The following NRP2 variants were observed in gnomAD, a reference collection of about 807,000 sequenced individuals.
The protein encoded by NRP2 is neuropilin 2, also known as neuropilin-2.
A neutral mutation model predicts 110.4 loss-of-function variants in NRP2; 52 were observed. That is an observed-to-expected ratio of 0.47 (90% CI 0.38 to 0.59). NRP2 has a LOEUF of 0.59. Ranked by LOEUF, NRP2 falls within the 20% of genes least tolerant of loss-of-function variation. NRP2 has a pLI of 0.00. For synonymous variants in NRP2, 508 were observed against 468.9 expected (o/e 1.08, Z -1.08); for missense variants, 1,049 against 1,203.0 (o/e 0.87, Z 1.89).
intron 3 of NRP2, among the ~76,000 whole-genome samples, chr2:205,719,199 G>A (rs1199603504): frequency 4.6e-5 from 7 of 152,240 alleles, no homozygotes; most frequent in South Asian, 2.1e-4. Context: ...AGGAAGAAGC[G>A]GGGGAAACTG....
At position 205,725,813 on chromosome 2, in the gene NRP2, TG is replaced by T; in HGVS notation, c.821-99del. 8.5e-7 allele frequency: 1 copy of T among 1,181,926 alleles called. No individual in the cohort carries two copies. Among genetic ancestry groups the T allele is most frequent in the Non-Finnish European group, 1.3e-6 (1 of 790,372 alleles). 73.2% of individuals were successfully genotyped at this position (1,181,926 alleles called of 1,614,324 possible). A position where few individuals can be genotyped will look rare whatever the true frequency, so the allele number is the denominator to read the frequency against. ...AATTAGGGTCTTTTAAATGAGGAAG[TG>T]CCTGCAAGGACTTGTCCCTAGAAGG... On this transcript the variant is annotated intron_variant, in intron 5 of 16. Transcript: ENST00000357785. This position sits in a 1 kb window ranked among gnomAD's most constrained non-coding sequence, Gnocchi z 4.1.
chr2:205,728,267 C>T (rs2057168365), intron 7 of NRP2, among the ~76,000 whole-genome samples: 1 of 152,166 alleles, frequency 6.6e-6, no homozygotes, highest in African/African-American at 2.4e-5. Flanking sequence ...TTGCATCTTG[C>T]GCAGCAGAGA....
In NRP2 at chr2:205,763,493, A is replaced by G. The variant is rs2241154; in HGVS notation, c.2045-181A>G. Among the ~76,000 whole-genome samples, 6 of 152,266 alleles carry G rather than the reference A, an allele frequency of 3.9e-5. No homozygotes were observed. In the East Asian group the frequency reaches 1.2e-3, roughly 29 times the overall value. On this transcript the variant is annotated intron_variant, in intron 12 of 16. Transcript: ENST00000357785. This position sits in a 1 kb window ranked among gnomAD's most constrained non-coding sequence, Gnocchi z 4.0. ...TTAGAGACTCTTAAGAAAACACAGC[A>G]TTTGAATCAAGGCTCTGAAGGAGCC...
At chr2:205,767,276 G>A (rs1165112593) in intron 15 of NRP2, 1 of 359,542 alleles carries the variant, frequency 2.8e-6, no homozygotes. Flanking sequence ...GAGCCGAGGG[G>A]CTTCTGTGTA....
intron 8 of NRP2, among the ~76,000 whole-genome samples, chr2:205,742,226 C>G (rs1479891309): frequency 3.3e-5 from 5 of 152,212 alleles, no homozygotes. Context: ...ACTATAGACC[C>G]TGCCTTGCCT....
chr2:205,767,583 A>G (rs1359508601), intron 15 of NRP2: 7 of 305,674 alleles, frequency 2.3e-5, no homozygotes, highest in Non-Finnish European at 3.9e-5. Flanking sequence ...GGTTATAAAA[A>G]AAAAAAAAGG....
chr2:205,781,548 G>C (rs997631638), intron 15 of NRP2, among the ~76,000 whole-genome samples: 5 of 152,322 alleles, frequency 3.3e-5, no homozygotes, highest in African/African-American at 4.8e-5. Flanking sequence ...CTGCACAAAC[G>C]TGTGGCCTTT....
intron 2 of NRP2, among the ~76,000 whole-genome samples, chr2:205,699,417 G>A (rs572402952): frequency 1.1e-3 from 164 of 152,320 alleles, no homozygotes; most frequent in African/African-American, 3.8e-3. Context: ...TCTACTAAGG[G>A]CCAAATTCTG....
At chr2:205,690,879 T>C (rs779657634) in intron 1 of NRP2, among the ~76,000 whole-genome samples, 3 of 152,230 alleles carry the variant, frequency 2.0e-5, no homozygotes, top group Non-Finnish European at 4.4e-5. Flanking sequence ...GCACTAACTC[T>C]ACCTTGACCT....
At chr2:205,733,972 C>T (rs2057292377) in intron 7 of NRP2, among the ~76,000 whole-genome samples, 1 of 152,170 alleles carries the variant, frequency 6.6e-6, no homozygotes, top group Non-Finnish European at 1.5e-5. Context: ...GGGATGCGCA[C>T]ATCCCCGCCC....
rs193077093 is a variant in NRP2, at chr2:205,700,504, C to T, written c.251+2783C>T. ...CTCGTGTTTGCCCGGGTTCTTCCTA[C>T]GTGCAGGGTTAACTGCAAAGATTGC... On this transcript the variant is annotated intron_variant, in intron 2 of 16. Transcript: ENST00000357785. 2.7e-3 allele frequency among the ~76,000 whole-genome samples: 414 copies of T among 152,318 alleles called. 1 individual carries two copies. The highest frequency in any genetic ancestry group is 9.4e-3 in the African/African-American group (392 of 41,578).
chr2:205,795,085 G>A lies in NRP2; in HGVS notation c.*27G>A, dbSNP rs200293132. 6.3e-5 allele frequency: 101 copies of A among 1,606,338 alleles called. 1 individual carries two copies. The highest frequency in any genetic ancestry group is 3.3e-4 in the Middle Eastern group (2 of 6,050). Reference sequence around the variant, plus strand: ...GGATTGCACCTGAATCCTATCTGACGTTTCATTCCAGCAAGAGGGGCTGGG... The same window carrying A: ...GGATTGCACCTGAATCCTATCTGACATTTCATTCCAGCAAGAGGGGCTGGG... On this transcript the variant is annotated 3_prime_UTR_variant, in exon 17 of 17. Coordinates refer to ENST00000357785, the MANE Select transcript of NRP2 (RefSeq NM_003872.3).
intron 2 of NRP2, among the ~76,000 whole-genome samples, chr2:205,709,104 A>G (rs891422659): frequency 6.6e-6 from 1 of 152,234 alleles, no homozygotes; most frequent in Non-Finnish European, 1.5e-5. Flanking sequence ...AAGACAGCAG[A>G]TGGAGGACGG....
At chr2:205,793,193 G>A (rs114334258) in intron 16 of NRP2, among the ~76,000 whole-genome samples, 6 of 152,276 alleles carry the variant, frequency 3.9e-5, no homozygotes, top group South Asian at 2.1e-4. Flanking sequence ...TGGAGAGACC[G>A]CAGTAGATCA....
At chr2:205,738,341 A>G (rs2057382277) in intron 7 of NRP2, among the ~76,000 whole-genome samples, 1 of 152,136 alleles carries the variant, frequency 6.6e-6, no homozygotes, top group South Asian at 2.1e-4. Context: ...CACAACACCC[A>G]TCCGAAATAA....
At chr2:205,699,032 G>C (rs957448511) in intron 2 of NRP2, among the ~76,000 whole-genome samples, 1 of 152,174 alleles carries the variant, frequency 6.6e-6, no homozygotes, top group Non-Finnish European at 1.5e-5. Context: ...CTACATAATG[G>C]TTTTCTCCTA....
Position 205,795,193 on chromosome 2 carries a change from G to C in NRP2, c.*135G>C. On this transcript the variant is annotated 3_prime_UTR_variant, in exon 17 of 17. Transcript: ENST00000357785. ...TCCAGAATACCGAAGGTATGGACAG[G>C]ACAGAAAAGCGAGTCGCAGGAGGAA... 2.1e-6 allele frequency: 2 copies of C among 955,220 alleles called. No homozygotes were observed. Among genetic ancestry groups the C allele is most frequent in the Admixed American group, 4.0e-5 (2 of 49,830 alleles). The allele number at this position is 955,220 out of a possible 1,614,324, so 59.2% of individuals were successfully genotyped here. A position where few individuals can be genotyped will look rare whatever the true frequency, so the allele number is the denominator to read the frequency against.
At chr2:205,758,020 G>A (rs1292839228) in intron 12 of NRP2, among the ~76,000 whole-genome samples, 4 of 151,838 alleles carry the variant, frequency 2.6e-5, no homozygotes, top group Non-Finnish European at 5.9e-5. Flanking sequence ...CCGGCAGAGT[G>A]AAAAAACAGC....
At chr2:205,701,129 AT>A (rs2056546455) in intron 2 of NRP2, 3 of 163,338 alleles carry the variant, frequency 1.8e-5, no homozygotes, top group African/African-American at 7.2e-5. Context: ...TTTAAAATGT[AT>A]GTATTTTTAA....
Sources: gnomAD v4.1 joint callset for allele counts (sites outside exome capture counted in the v4.1 genomes callset) on GRCh38, gnomAD v4.1.1 for gene constraint, Gnocchi (gnomAD v3.1) non-coding constraint, MANE v1.5 for transcripts, NCBI Gene and HGNC (gene_info 2026-07-23, HGNC 2026-07-21) for gene names.